The following SIK3 variants were observed in gnomAD, a reference collection of about 807,000 sequenced individuals.
SIK3 encodes the protein SIK family kinase 3.
A neutral mutation model predicts 144.2 loss-of-function variants in SIK3; 28 were observed. The observed-to-expected ratio is 0.19, with a 90% CI of 0.14 to 0.27. SIK3 has a LOEUF of 0.27. SIK3 is among the 10% of genes least tolerant of loss of function. The pLI is 1.00. For synonymous variants in SIK3, 686 were observed against 676.3 expected, an observed-to-expected ratio of 1.01 and a Z score of -0.22; for missense variants, 1,319 against 1,776.0, an observed-to-expected ratio of 0.74 and a Z score of 4.62.
In SIK3 at chr11:116,867,938, C is replaced by A; in HGVS notation, c.1952+8G>T. On this transcript the variant is annotated splice_region_variant and intron_variant, in intron 15 of 24. Transcript: ENST00000445177. This position sits in a 1 kb window ranked among gnomAD's most constrained non-coding sequence, Gnocchi z 4.1. ...CAAGGAGCTCGCACAGCTCATGTGG[C>A]TACTCACCGATGCTGATCAGGTACC... 1.3e-6 allele frequency: 2 copies of A among 1,529,388 alleles called. No homozygotes were observed. Among genetic ancestry groups the A allele is most frequent in the Non-Finnish European group, 1.8e-6 (2 of 1,135,438 alleles). 94.7% of individuals were successfully genotyped at this position (1,529,388 alleles called of 1,614,324 possible). A position where few individuals can be genotyped will look rare whatever the true frequency, so the allele number is the denominator to read the frequency against.
At chr11:117,017,964 T>C (rs1270790945) in intron 1 of SIK3, among the ~76,000 whole-genome samples, 3 of 152,148 alleles carry the variant, frequency 2.0e-5, no homozygotes, top group Non-Finnish European at 2.9e-5. Flanking sequence ...GGAAATACCA[T>C]AGAACATGAA....
At chr11:117,018,089 G>A (rs1198092658) in intron 1 of SIK3, among the ~76,000 whole-genome samples, 1 of 152,110 alleles carries the variant, frequency 6.6e-6, no homozygotes, top group East Asian at 1.9e-4. Context: ...CAGATAATGT[G>A]AAAATTGAGT....
chr11:116,927,414 T>C (rs904831494), intron 3 of SIK3, 34 bp from the exon 4 acceptor site: 4 of 1,601,450 alleles, frequency 2.5e-6, no homozygotes. Context: ...AGTTTTCATT[T>C]TGGACACTTG....
At chr11:116,898,818 T>G (rs1449701084) in intron 4 of SIK3, among the ~76,000 whole-genome samples, 9 of 151,874 alleles carry the variant, frequency 5.9e-5, no homozygotes, top group South Asian at 2.1e-4. Context: ...TTTTTGATGG[T>G]GTTGTTTTTT....
At chr11:116,886,432 G>A (rs1176815421) in intron 6 of SIK3, among the ~76,000 whole-genome samples, 3 of 152,148 alleles carry the variant, frequency 2.0e-5, no homozygotes, top group African/African-American at 7.2e-5. Flanking sequence ...AGCCTATCAG[G>A]GCAGAGTTGT....
At chr11:117,046,291 A>G (rs1032237824) in intron 1 of SIK3, among the ~76,000 whole-genome samples, 1 of 152,226 alleles carries the variant, frequency 6.6e-6, no homozygotes, top group African/African-American at 2.4e-5. Flanking sequence ...CAAACCATGT[A>G]TCTATGCCCC....
At chr11:117,000,274 T>C (rs985085343) in intron 1 of SIK3, among the ~76,000 whole-genome samples, 1 of 152,166 alleles carries the variant, frequency 6.6e-6, no homozygotes, top group African/African-American at 2.4e-5. Flanking sequence ...AGATAACATC[T>C]CCATTACTTA....
intron 6 of SIK3, among the ~76,000 whole-genome samples, chr11:116,894,989 G>A (rs892429332): frequency 6.6e-6 from 1 of 152,050 alleles, no homozygotes; most frequent in Non-Finnish European, 1.5e-5. Context: ...TTGTATGTTT[G>A]AAATTTTTCA....
In SIK3 at chr11:116,843,571, T is replaced by G. The variant is rs1358659367; in HGVS notation, c.*2072A>C. The G allele has an allele frequency of 6.6e-6, 1 of 152,254 alleles. No individual in the cohort carries two copies. The highest frequency in any genetic ancestry group is 1.5e-5 in the Non-Finnish European group (1 of 68,062). The allele number at this position is 152,254 out of a possible 1,614,324, so 9.4% of individuals were successfully genotyped here. On this transcript the variant is annotated 3_prime_UTR_variant, in exon 25 of 25. Transcript: ENST00000445177. ...TTACTACAATACAAAGCAATGAGTTTTTTTTAAAGTGTAGTTTGCAAGATG... is the reference window on the plus strand; with the variant it reads ...TTACTACAATACAAAGCAATGAGTTGTTTTTAAAGTGTAGTTTGCAAGATG...
intron 6 of SIK3, among the ~76,000 whole-genome samples, chr11:116,883,306 T>G (rs928964677): frequency 2.0e-5 from 3 of 152,214 alleles, no homozygotes; most frequent in African/African-American, 7.2e-5. Context: ...TTTTTCCTCA[T>G]GAAAAGAAAA....
At chr11:116,861,753 CAA>C in intron 18 of SIK3, 86 bp downstream of exon 18, 1 of 822,962 alleles carries the variant, frequency 1.2e-6, no homozygotes, top group Non-Finnish European at 2.0e-6. Flanking sequence ...GATGAATGCT[CAA>C]GTCAGTCCAT....
chr11:116,956,693 T>C (rs1176824840), intron 2 of SIK3, among the ~76,000 whole-genome samples: 1 of 152,190 alleles, frequency 6.6e-6, no homozygotes, highest in African/African-American at 2.4e-5. Context: ...TAGTTGTTGC[T>C]AAGAATGGCA....
At chr11:116,983,595 T>C (rs755209894) in intron 1 of SIK3, among the ~76,000 whole-genome samples, 1 of 152,116 alleles carries the variant, frequency 6.6e-6, no homozygotes. Context: ...ATGTAAAATA[T>C]ATCAGTTGAA....
At chr11:116,850,113 C>G (rs660083) in intron 21 of SIK3, among the ~76,000 whole-genome samples, 69,204 of 152,120 alleles carry the variant, frequency 0.45, 19,099 homozygotes, top group Non-Finnish European at 0.63. Context: ...GAATCTAACT[C>G]TGCAATGCTG....
intron 6 of SIK3, among the ~76,000 whole-genome samples, chr11:116,894,379 ATATCT>A (rs1945285723): frequency 6.6e-6 from 1 of 152,206 alleles, no homozygotes; most frequent in African/African-American, 2.4e-5. Flanking sequence ...CTGCCAATTC[ATATCT>A]TAACTCTGAT....
intron 1 of SIK3, among the ~76,000 whole-genome samples, chr11:117,079,840 A>G (rs148143761): frequency 0.03 from 4,517 of 152,232 alleles, 104 homozygotes; most frequent in Middle Eastern, 0.078. Context: ...TATCAGTAAT[A>G]TATTTTATAA....
chr11:117,018,347 A>T (rs946037497), intron 1 of SIK3, among the ~76,000 whole-genome samples: 1 of 152,202 alleles, frequency 6.6e-6, no homozygotes, highest in Admixed American at 6.5e-5. Flanking sequence ...GGATTGTTTT[A>T]AAAAGAAAAA....
chr11:117,024,237 T>A (rs540693746), intron 1 of SIK3, among the ~76,000 whole-genome samples: 1 of 151,994 alleles, frequency 6.6e-6, no homozygotes, highest in Admixed American at 6.6e-5. Flanking sequence ...TTTCTCCTAT[T>A]AATCTGACTT....
intron 1 of SIK3, among the ~76,000 whole-genome samples, chr11:117,081,553 G>A (rs1260072268): frequency 2.0e-5 from 3 of 152,172 alleles, no homozygotes; most frequent in African/African-American, 4.8e-5. Flanking sequence ...GAACCTGGGA[G>A]GCGGAGCTTG....
Sources: allele counts gnomAD v4.1 joint callset (sites outside exome capture counted in the v4.1 genomes callset), GRCh38; gene constraint gnomAD v4.1.1; non-coding constraint Gnocchi (gnomAD v3.1); transcripts MANE v1.5; gene names NCBI Gene and HGNC (gene_info 2026-07-23, HGNC 2026-07-21).